Variants in NFE2L2 observed in about 807,000 individuals in gnomAD.
The protein encoded by NFE2L2 is NFE2 like bZIP transcription factor 2.
A neutral mutation model predicts 49.6 loss-of-function variants in NFE2L2; 20 were observed. The ratio of observed to expected loss-of-function variants is 0.40; its 90% CI spans 0.28 to 0.59. NFE2L2 has a LOEUF of 0.59. Ranked by LOEUF, NFE2L2 falls within the 20% of genes least tolerant of loss-of-function variation. The pLI is 0.40. For synonymous variants in NFE2L2, 244 were observed against 256.5 expected (o/e 0.95, Z 0.47); for missense variants, 578 against 714.2 (o/e 0.81, Z 2.17).
intron 1 of NFE2L2, among the ~76,000 whole-genome samples, chr2:177,247,130 C>T (rs942141886): frequency 6.6e-6 from 1 of 152,112 alleles, no homozygotes; most frequent in African/African-American, 2.4e-5. Context: ...AGAGTATATA[C>T]TGCCAAATAG....
At chr2:177,259,881 G>T (rs1324328420) in intron 1 of NFE2L2, among the ~76,000 whole-genome samples, 3 of 151,816 alleles carry the variant, frequency 2.0e-5, no homozygotes, top group African/African-American at 7.3e-5. Context: ...GCAGTGAGCG[G>T]AGATCATGCC....
Position 177,233,351 on chromosome 2 carries a change from G to C in NFE2L2, c.313-12C>G, listed in dbSNP as rs760561994. 1 of 1,602,620 alleles carries C rather than the reference G, an allele frequency of 6.2e-7. No homozygotes were observed. The highest frequency in any genetic ancestry group is 1.7e-5 in the Admixed American group (1 of 57,990). ...GGAATGTGGGCAACCTGATAAAAGG[G>C]AATGACACAAAGGAAAACAAAAATG... On this transcript the variant is annotated splice_polypyrimidine_tract_variant and intron_variant, in intron 2 of 4. Coordinates refer to ENST00000397062, the MANE Select transcript of NFE2L2 (RefSeq NM_006164.5).
chr2:177,262,553 T>C (rs1690778138), intron 1 of NFE2L2, among the ~76,000 whole-genome samples: 1 of 152,212 alleles, frequency 6.6e-6, no homozygotes, highest in Admixed American at 6.5e-5. Flanking sequence ...ATAAACAAAA[T>C]CAATTCTAAA....
At position 177,261,588 on chromosome 2, in the gene NFE2L2, C is replaced by A. The variant is rs80018561; in HGVS notation, c.45+2944G>T. On this transcript the variant is annotated intron_variant, in intron 1 of 4. Coordinates refer to ENST00000397062, the MANE Select transcript of NFE2L2 (RefSeq NM_006164.5). ...TAGCAGGTCCTGGCCTTTCTCTATG[C>A]CTCTCTCCTAACCTTTCCTAACCTA... is the stretch of plus-strand genomic sequence containing the variant. Among the ~76,000 whole-genome samples, 294 of 152,302 alleles carry A rather than the reference C, an allele frequency of 1.9e-3. 13 individuals are homozygous for A. In the East Asian group the frequency reaches 0.054, roughly 28 times the overall value.
chr2:177,261,063 C>T (rs1690717031), intron 1 of NFE2L2, among the ~76,000 whole-genome samples: 1 of 149,726 alleles, frequency 6.7e-6, no homozygotes. Flanking sequence ...CCCAGCTACT[C>T]GGGAGGCTGA....
intron 1 of NFE2L2, chr2:177,263,708 C>G (rs979593404): frequency 3.0e-6 from 3 of 985,372 alleles, no homozygotes; most frequent in Non-Finnish European, 2.4e-6. Flanking sequence ...ACTCCGGCCT[C>G]AGAGTCCACT....
intron 1 of NFE2L2, chr2:177,263,483 C>G (rs1360692265): frequency 1.0e-6 from 1 of 985,556 alleles, no homozygotes; most frequent in Non-Finnish European, 1.2e-6. Context: ...AAGACAAAGC[C>G]GCTCTGGGGA....
chr2:177,258,388 A>G (rs1312287083), intron 1 of NFE2L2, among the ~76,000 whole-genome samples: 1 of 152,248 alleles, frequency 6.6e-6, no homozygotes, highest in African/African-American at 2.4e-5. Context: ...TATGTCCAGA[A>G]TAGGCAAATC....
chr2:177,240,888 A>C (rs929122186), intron 1 of NFE2L2, among the ~76,000 whole-genome samples: 3 of 152,214 alleles, frequency 2.0e-5, no homozygotes, highest in African/African-American at 7.2e-5. Flanking sequence ...CCCTGTCCTA[A>C]ATTAAAGCTA....
At chr2:177,232,640 T>C (rs904210876) in intron 3 of NFE2L2, 57 bp from the exon 4 acceptor site, 10 of 1,553,736 alleles carry the variant, frequency 6.4e-6, no homozygotes, top group East Asian at 2.3e-5. Context: ...ATGAGTAAGC[T>C]CTAAGGCACC....
At chr2:177,250,589 A>C (rs984791956) in intron 1 of NFE2L2, among the ~76,000 whole-genome samples, 2 of 152,240 alleles carry the variant, frequency 1.3e-5, no homozygotes, top group Non-Finnish European at 2.9e-5. Context: ...TAGTAGTATG[A>C]TCATTACCAT....
chr2:177,256,901 G>A (rs1690546772), intron 1 of NFE2L2, among the ~76,000 whole-genome samples: 1 of 152,160 alleles, frequency 6.6e-6, no homozygotes, highest in Non-Finnish European at 1.5e-5. Context: ...ATAGGGCTGG[G>A]GCTAAGCCAG....
intron 4 of NFE2L2, 112 bp downstream of exon 4, chr2:177,232,280 G>T: frequency 8.9e-7 from 1 of 1,127,498 alleles, no homozygotes. Flanking sequence ...TCATGACTAA[G>T]TTAATAGCAC....
intron 1 of NFE2L2, among the ~76,000 whole-genome samples, chr2:177,251,042 G>A (rs901584789): frequency 6.6e-6 from 1 of 152,216 alleles, no homozygotes; most frequent in African/African-American, 2.4e-5. Context: ...CTACCTTTTA[G>A]GGTTCTGGGT....
intron 1 of NFE2L2, among the ~76,000 whole-genome samples, chr2:177,261,183 A>C (rs1405610298): frequency 6.9e-6 from 1 of 144,528 alleles, no homozygotes; most frequent in Non-Finnish European, 1.5e-5. Flanking sequence ...AAAAAAAAAA[A>C]AACAAAAAAC....
chr2:177,247,962 GA>G (rs1181673092), intron 1 of NFE2L2, among the ~76,000 whole-genome samples: 1 of 152,176 alleles, frequency 6.6e-6, no homozygotes, highest in Non-Finnish European at 1.5e-5. Flanking sequence ...AGGCAGACTT[GA>G]AAAAGCAAGT....
At position 177,230,969 on chromosome 2, in the gene NFE2L2, TCTC is replaced by T; in HGVS notation, c.1631_1633del (p.Gly544del). 6.2e-7 allele frequency: 1 copy of T among 1,609,774 alleles called. No homozygotes were observed. Among genetic ancestry groups the T allele is most frequent in the East Asian group, 2.2e-5 (1 of 44,872 alleles). ...CAGTAGGTGAAGGCTTTTGTCATTT[TCTC>T]CTTTTTCTTTGAGCAATTTTTCTTT... On this transcript the variant is annotated inframe_deletion, in exon 5 of 5. Transcript: ENST00000397062.
chr2:177,250,689 T>A (rs2105481397), intron 1 of NFE2L2, among the ~76,000 whole-genome samples: 1 of 152,330 alleles, frequency 6.6e-6, no homozygotes, highest in South Asian at 2.1e-4. Flanking sequence ...GAGATCCAAC[T>A]CAGGTTTATC....
At position 177,234,251 on chromosome 2, in the gene NFE2L2, T is replaced by G; in HGVS notation, c.66A>C (p.Ile22=). 6.2e-7 allele frequency: 1 copy of G among 1,611,268 alleles called. No individual in the cohort carries two copies. Among genetic ancestry groups the G allele is most frequent in the Non-Finnish European group, 8.5e-7 (1 of 1,179,418 alleles). Residue 22 remains isoleucine, a synonymous_variant, in exon 2 of 5, where the codon ATA becomes ATC. Coordinates refer to ENST00000397062, the MANE Select transcript of NFE2L2 (RefSeq NM_006164.5). ...CAAGATCTATATCTTGCCTCCAAAGTATGTCAATCAAATCCATGTCCTATG... is the reference window on the plus strand; with the variant it reads ...CAAGATCTATATCTTGCCTCCAAAGGATGTCAATCAAATCCATGTCCTATG... The part of the protein sequence containing the change: ...PSQQDMDLID[I]LWRQDIDLGV...
Sources: gnomAD v4.1 joint callset for allele counts (sites outside exome capture counted in the v4.1 genomes callset) on GRCh38, gnomAD v4.1.1 for gene constraint, MANE v1.5 for transcripts, NCBI Gene and HGNC (gene_info 2026-07-23, HGNC 2026-07-21) for gene names.